The following ANKS1B variants were observed in gnomAD, a reference collection of about 807,000 sequenced individuals.
ANKS1B encodes the protein ankyrin repeat and sterile alpha motif domain-containing protein 1B.
Under a neutral mutation model 148.3 loss-of-function variants are expected in ANKS1B, and 36 were observed. The observed-to-expected ratio is 0.24, with a 90% CI of 0.19 to 0.32. The LOEUF (loss-of-function observed/expected upper bound fraction) is 0.32. ANKS1B is among the 10% of genes least tolerant of loss of function. ANKS1B has a pLI of 1.00. For synonymous variants in ANKS1B, 542 were observed against 560.8 expected (o/e 0.97, Z 0.47); for missense variants, 1,157 against 1,542.6 (o/e 0.75, Z 4.19).
chr12:99,442,852 G>A (rs1004199370), intron 11 of ANKS1B, among the ~76,000 whole-genome samples: 2 of 151,942 alleles, frequency 1.3e-5, no homozygotes, highest in African/African-American at 4.8e-5. Flanking sequence ...TATCTAAGTA[G>A]ATGATGAATG....
chr12:99,773,096 A>G lies in ANKS1B; in HGVS notation c.962-8T>C. 6.3e-7 allele frequency: 1 copy of G among 1,588,716 alleles called. No homozygotes were observed. ...CTCCAGTGACGGTTTCACCTATGAGAATAATTTTTTCAGAAGTTTCAAGAA... is the reference window on the plus strand; with the variant it reads ...CTCCAGTGACGGTTTCACCTATGAGGATAATTTTTTCAGAAGTTTCAAGAA... On this transcript the variant is annotated splice_region_variant and splice_polypyrimidine_tract_variant and intron_variant, in intron 7 of 26. Coordinates refer to ENST00000683438, the MANE Select transcript of ANKS1B (RefSeq NM_001352186.2).
intron 1 of ANKS1B, among the ~76,000 whole-genome samples, chr12:99,944,762 G>C (rs1017314916): frequency 6.6e-6 from 1 of 152,134 alleles, no homozygotes; most frequent in African/African-American, 2.4e-5. Flanking sequence ...ATGATACCTA[G>C]AAATATTTTT....
chr12:99,659,369 C>T (rs1456297654), intron 8 of ANKS1B, among the ~76,000 whole-genome samples: 1 of 150,714 alleles, frequency 6.6e-6, no homozygotes, highest in Non-Finnish European at 1.5e-5. Context: ...AAACTCTGTT[C>T]CTGAAGTTCC....
At position 99,586,427 on chromosome 12, in the gene ANKS1B, A is replaced by G. The variant is rs142416439; in HGVS notation, c.1272+68640T>C. Among the ~76,000 whole-genome samples the G allele has an allele frequency of 5.4e-3, 824 of 152,322 alleles. 7 individuals are homozygous for G. Among genetic ancestry groups the G allele is most frequent in the Non-Finnish European group, 8.4e-3 (572 of 68,024 alleles). On this transcript the variant is annotated intron_variant, in intron 9 of 26. Coordinates refer to ENST00000683438, the MANE Select transcript of ANKS1B (RefSeq NM_001352186.2). ...TCAGCATTTTGGTCAGAGCCATTCAACAAGTCTCTAGAAAGTTCCAAGCTT... is the reference window on the plus strand; with the variant it reads ...TCAGCATTTTGGTCAGAGCCATTCAGCAAGTCTCTAGAAAGTTCCAAGCTT...
At chr12:98,974,384 T>C (rs73384617) in intron 17 of ANKS1B, among the ~76,000 whole-genome samples, 6,135 of 152,230 alleles carry the variant, frequency 0.04, 370 homozygotes, top group African/African-American at 0.13. Context: ...TATAACAGTA[T>C]TTGATAGAGC....
At chr12:99,521,312 T>C (rs1291633160) in intron 9 of ANKS1B, among the ~76,000 whole-genome samples, 4 of 152,240 alleles carry the variant, frequency 2.6e-5, no homozygotes, top group Non-Finnish European at 2.9e-5. Context: ...GAATTTCTTT[T>C]GAGTTTCCTC....
At chr12:98,867,972 G>T (rs2099634036) in intron 17 of ANKS1B, among the ~76,000 whole-genome samples, 1 of 152,176 alleles carries the variant, frequency 6.6e-6, no homozygotes, top group Non-Finnish European at 1.5e-5. Context: ...TTCGAAGCTG[G>T]CCTGCATTTG....
intron 8 of ANKS1B, among the ~76,000 whole-genome samples, chr12:99,688,364 C>A (rs1181644342): frequency 6.6e-6 from 1 of 152,220 alleles, no homozygotes; most frequent in Non-Finnish European, 1.5e-5. Context: ...GTAAGGCTCA[C>A]CTCATTTGTT....
chr12:98,852,543 A>C (rs1277029279), intron 17 of ANKS1B, among the ~76,000 whole-genome samples: 1 of 152,088 alleles, frequency 6.6e-6, no homozygotes, highest in Non-Finnish European at 1.5e-5. Context: ...GTTGAGAAAA[A>C]GTGGGCAAGG....
intron 25 of ANKS1B, among the ~76,000 whole-genome samples, chr12:98,758,760 C>G (rs1592878788): frequency 6.9e-6 from 1 of 144,384 alleles, no homozygotes; most frequent in South Asian, 2.3e-4. Context: ...TTTCTTTTTT[C>G]TTTTCTTTTC....
chr12:99,415,277 A>C (rs1335558057), intron 11 of ANKS1B, among the ~76,000 whole-genome samples: 2 of 152,248 alleles, frequency 1.3e-5, no homozygotes, highest in African/African-American at 2.4e-5. Context: ...AAATGCATCC[A>C]GAATTTAAAA....
intron 14 of ANKS1B, among the ~76,000 whole-genome samples, chr12:99,180,542 A>G (rs1217062612): frequency 1.3e-5 from 2 of 152,028 alleles, no homozygotes; most frequent in Non-Finnish European, 2.9e-5. Context: ...TTCTTAGGTA[A>G]TCAAGGCTGA....
intron 12 of ANKS1B, among the ~76,000 whole-genome samples, chr12:99,323,572 G>A (rs1362290266): frequency 6.6e-6 from 1 of 152,120 alleles, no homozygotes; most frequent in Non-Finnish European, 1.5e-5. Flanking sequence ...ATTTAAACAT[G>A]TTACTTGCTT....
chr12:99,628,692 A>G (rs2098131676), intron 9 of ANKS1B, among the ~76,000 whole-genome samples: 1 of 152,172 alleles, frequency 6.6e-6, no homozygotes, highest in Non-Finnish European at 1.5e-5. Flanking sequence ...GGAGGATGGG[A>G]CATCCAAAGT....
chr12:99,825,668 T>C (rs1825869436), intron 1 of ANKS1B, among the ~76,000 whole-genome samples: 1 of 152,250 alleles, frequency 6.6e-6, no homozygotes, highest in Non-Finnish European at 1.5e-5. Flanking sequence ...AAAAATTCCC[T>C]ATTACTTTCT....
At chr12:98,954,047 C>T (rs1373014732) in intron 17 of ANKS1B, among the ~76,000 whole-genome samples, 3 of 152,154 alleles carry the variant, frequency 2.0e-5, no homozygotes, top group Non-Finnish European at 2.9e-5. Flanking sequence ...GCATTGTCAC[C>T]ACCTGGAAGA....
chr12:99,336,785 G>A (rs977338403), intron 12 of ANKS1B, among the ~76,000 whole-genome samples: 6 of 147,356 alleles, frequency 4.1e-5, no homozygotes, highest in African/African-American at 1.5e-4. Context: ...ACTATTCAAG[G>A]GTAAAAGATT....
At chr12:99,246,233 G>A (rs1159165334) in intron 13 of ANKS1B, 42 bp downstream of exon 13, 4 of 1,414,898 alleles carry the variant, frequency 2.8e-6, no homozygotes, top group South Asian at 1.6e-5. Context: ...TCCCTCAACT[G>A]CAAAGCCTTA....
At chr12:99,029,464 T>C (rs1317896) in intron 17 of ANKS1B, among the ~76,000 whole-genome samples, 5,563 of 152,304 alleles carry the variant, frequency 0.037, 357 homozygotes, top group African/African-American at 0.13. Flanking sequence ...AGGTTACCTG[T>C]ATGAAGGGTG....
Sources: allele counts gnomAD v4.1 joint callset (sites outside exome capture counted in the v4.1 genomes callset), GRCh38; gene constraint gnomAD v4.1.1; transcripts MANE v1.5; gene names NCBI Gene and HGNC (gene_info 2026-07-23, HGNC 2026-07-21).